The following MSRA variants were observed in gnomAD, a reference collection of about 807,000 sequenced individuals.
The protein encoded by MSRA is methionine sulfoxide reductase A, also known as mitochondrial peptide methionine sulfoxide reductase.
Under a neutral mutation model 31.3 loss-of-function variants are expected in MSRA, and 54 were observed. The observed-to-expected ratio is 1.73, with a 90% CI of 1.39 to 2.17. MSRA has a LOEUF of 2.17. MSRA is among the 30% of genes most tolerant of loss of function. MSRA has a pLI of 0.00. For missense variants in MSRA, 507 were observed against 300.9 expected (o/e 1.69, Z -5.07); for synonymous variants, 169 against 116.5 (o/e 1.45, Z -2.90).
intron 4 of MSRA, among the ~76,000 whole-genome samples, chr8:10,308,536 C>G (rs1416980150): frequency 6.6e-6 from 1 of 152,252 alleles, no homozygotes; most frequent in South Asian, 2.1e-4. Flanking sequence ...GTGGCCCCCT[C>G]TGGCTTAAAG....
At chr8:10,396,773 G>A (rs1220798415) in intron 5 of MSRA, among the ~76,000 whole-genome samples, 1 of 152,180 alleles carries the variant, frequency 6.6e-6, no homozygotes, top group East Asian at 1.9e-4. Flanking sequence ...GGAACCTCAA[G>A]ATTGTTAAGT....
At chr8:10,327,735 T>C (rs1332093397) in intron 5 of MSRA, among the ~76,000 whole-genome samples, 1 of 152,116 alleles carries the variant, frequency 6.6e-6, no homozygotes, top group Admixed American at 6.6e-5. Context: ...AGATCGAGAC[T>C]ATCCTGGCTA....
At chr8:10,063,355 A>G (rs4841275) in intron 1 of MSRA, among the ~76,000 whole-genome samples, 99,846 of 152,138 alleles carry the variant, frequency 0.66, 35,903 homozygotes, top group Non-Finnish European at 0.8. Context: ...TCATTCTCTC[A>G]CTGTTTAGGG....
chr8:10,235,632 A>C (rs1462487665), intron 2 of MSRA, among the ~76,000 whole-genome samples: 1 of 152,162 alleles, frequency 6.6e-6, no homozygotes, highest in African/African-American at 2.4e-5. Context: ...AAAAAGAGAG[A>C]TATAAAAATA....
chr8:10,182,053 C>T (rs1585110703), intron 1 of MSRA, among the ~76,000 whole-genome samples: 2 of 152,244 alleles, frequency 1.3e-5, no homozygotes, highest in South Asian at 4.2e-4. Context: ...ACCCCATCTA[C>T]AGCTCCTATC....
intron 2 of MSRA, among the ~76,000 whole-genome samples, chr8:10,216,709 A>T (rs1810025698): frequency 6.6e-6 from 1 of 152,212 alleles, no homozygotes; most frequent in African/African-American, 2.4e-5. Context: ...TACTTCGCAT[A>T]ATGTCTTCAA....
intron 2 of MSRA, among the ~76,000 whole-genome samples, chr8:10,237,244 G>A (rs957919866): frequency 2.0e-5 from 3 of 152,224 alleles, no homozygotes; most frequent in Non-Finnish European, 4.4e-5. Flanking sequence ...TGGGGGTGGA[G>A]CGCAAAGCTC....
chr8:10,059,094 A>G (rs919872178), intron 1 of MSRA: 45 of 152,224 alleles, frequency 3.0e-4, no homozygotes, highest in African/African-American at 1.0e-3. Context: ...GCAGCATTTG[A>G]TAAAGGTGGT....
rs773265039 is a variant in MSRA at position 10,301,674 on chromosome 8, A to T, written c.436+36A>T. 1.3e-5 allele frequency: 19 copies of T among 1,512,566 alleles called. 1 individual carries two copies. In the Admixed American group the frequency reaches 3.1e-4, roughly 25 times the overall value. 93.7% of individuals were successfully genotyped at this position (1,512,566 alleles called of 1,614,324 possible). On this transcript the variant is annotated intron_variant, in intron 4 of 5. Transcript: ENST00000317173. ...GAGTGAGCCAGTATTTAATTATCTTACTAATTACAGCTGGGATAATTAGTG... is the reference window on the plus strand; with the variant it reads ...GAGTGAGCCAGTATTTAATTATCTTTCTAATTACAGCTGGGATAATTAGTG...
intron 2 of MSRA, among the ~76,000 whole-genome samples, chr8:10,234,628 C>G (rs549313268): frequency 8.6e-5 from 13 of 151,996 alleles, no homozygotes; most frequent in African/African-American, 2.9e-4. Flanking sequence ...ATTAAAATTA[C>G]TAATTAGAGG....
chr8:10,108,424 G>C (rs1204146204), intron 1 of MSRA, among the ~76,000 whole-genome samples: 1 of 152,228 alleles, frequency 6.6e-6, no homozygotes, highest in African/African-American at 2.4e-5. Flanking sequence ...GGAGGAGCCT[G>C]AATGTCACCT....
chr8:10,304,550 A>G (rs1801021344), intron 4 of MSRA, among the ~76,000 whole-genome samples: 1 of 152,250 alleles, frequency 6.6e-6, no homozygotes, highest in South Asian at 2.1e-4. Context: ...AAACAGTGAC[A>G]CATGTCAAGT....
chr8:10,347,989 C>G (rs888817367), intron 5 of MSRA, among the ~76,000 whole-genome samples: 3 of 152,194 alleles, frequency 2.0e-5, no homozygotes, highest in African/African-American at 7.2e-5. Flanking sequence ...CCTAGCTGGT[C>G]TTTGCCATTT....
At chr8:10,134,434 A>G (rs1249420014) in intron 1 of MSRA, among the ~76,000 whole-genome samples, 2 of 152,218 alleles carry the variant, frequency 1.3e-5, no homozygotes, top group East Asian at 1.9e-4. Flanking sequence ...CTGCTTCGCA[A>G]TGGGGGTTTC....
intron 1 of MSRA, among the ~76,000 whole-genome samples, chr8:10,090,869 C>T (rs765373706): frequency 2.0e-5 from 3 of 152,194 alleles, no homozygotes; most frequent in African/African-American, 7.2e-5. Context: ...TCAGTGCTTC[C>T]TTCCTTTGTA....
chr8:10,252,739 A>G (rs1402386488), intron 3 of MSRA, among the ~76,000 whole-genome samples: 1 of 152,174 alleles, frequency 6.6e-6, no homozygotes, highest in African/African-American at 2.4e-5. Context: ...CTTACATATA[A>G]TAAGCTGGTA....
At chr8:10,285,332 A>T (rs1378339941) in intron 3 of MSRA, among the ~76,000 whole-genome samples, 1 of 151,978 alleles carries the variant, frequency 6.6e-6, no homozygotes, top group African/African-American at 2.4e-5. Flanking sequence ...CATTTCCCTT[A>T]TTTTTTATTT....
At chr8:10,151,154 G>A (rs866880699) in intron 1 of MSRA, among the ~76,000 whole-genome samples, 1 of 151,668 alleles carries the variant, frequency 6.6e-6, no homozygotes, top group African/African-American at 2.4e-5. Flanking sequence ...TCCTGGGGAG[G>A]TGGAGGTGAG....
At chr8:10,267,870 C>A (rs777803929) in intron 3 of MSRA, among the ~76,000 whole-genome samples, 1 of 152,100 alleles carries the variant, frequency 6.6e-6, no homozygotes, top group South Asian at 2.1e-4. Flanking sequence ...AAATGACTTG[C>A]ACGTGTTCGT....
Sources: gnomAD v4.1 joint callset for allele counts (sites outside exome capture counted in the v4.1 genomes callset) on GRCh38, gnomAD v4.1.1 for gene constraint, MANE v1.5 for transcripts, NCBI Gene and HGNC (gene_info 2026-07-23, HGNC 2026-07-21) for gene names.